The following ABCA12 variants were observed in gnomAD, a reference collection of about 807,000 sequenced individuals.
The protein encoded by ABCA12 is glucosylceramide transporter ABCA12.
ABCA12 carries 156 observed loss-of-function variants against 293.5 expected under a neutral mutation model. That is an observed-to-expected ratio of 0.53 (90% CI 0.47 to 0.61). ABCA12 has a LOEUF of 0.61. Ranked by LOEUF, ABCA12 falls within the 20% of genes least tolerant of loss-of-function variation. The pLI is 0.00. For missense variants in ABCA12, 2,797 were observed against 3,090.2 expected (o/e 0.91, Z 2.25); for synonymous variants, 1,063 against 1,108.0 (o/e 0.96, Z 0.81).
chr2:214,950,146 T>C (rs1698709537), intron 45 of ABCA12, among the ~76,000 whole-genome samples: 1 of 152,168 alleles, frequency 6.6e-6, no homozygotes, highest in East Asian at 1.9e-4. Context: ...TTGGGTATTA[T>C]AAGTAATCTA....
chr2:215,081,630 A>G (rs1419302016), intron 2 of ABCA12, among the ~76,000 whole-genome samples: 3 of 152,196 alleles, frequency 2.0e-5, no homozygotes, highest in Admixed American at 6.5e-5. Flanking sequence ...TCCTTGGATT[A>G]CTTTTAAACA....
At chr2:215,005,175 T>A (rs1228961054) in intron 19 of ABCA12, among the ~76,000 whole-genome samples, 2 of 152,152 alleles carry the variant, frequency 1.3e-5, no homozygotes, top group Non-Finnish European at 2.9e-5. Flanking sequence ...AAGTAATAGA[T>A]GACAAAGCTA....
rs143557861 is a variant in ABCA12 at position 215,071,408 on chromosome 2, ATAAT to A, written c.164-7193_164-7190del. 5.2e-3 allele frequency among the ~76,000 whole-genome samples: 797 copies of A among 152,216 alleles called. 8 individuals carry two copies. The highest frequency in any genetic ancestry group is 0.018 in the African/African-American group (755 of 41,536). ...AGCAATTTGGTCAAAGTCCAAATAA[ATAAT>A]TAATAATAAACAAACATAAACAATA... On this transcript the variant is annotated intron_variant, in intron 2 of 52. Coordinates refer to ENST00000272895, the MANE Select transcript of ABCA12 (RefSeq NM_173076.3).
At position 215,049,724 on chromosome 2, in the gene ABCA12, A is replaced by G; in HGVS notation, c.595T>C (p.Trp199Arg). Residue 199 changes from tryptophan (W) to arginine (R), a missense_variant, in exon 6 of 53, where the codon TGG becomes CGG. Physicochemically the swap from Trp to Arg is moderately radical, Grantham distance 101. This residue lies in a region of ABCA12 where 656 missense variants were observed against 638.2 expected (regional missense o/e 1.03). Transcript: ENST00000272895. ...SGYIVDDAFS[W>R]TFLGRNVFNK... ...AAAACATTTCTTCCTAGAAAGGTCC[A>G]AGAGAAGGCATCATCCACAATGTAT... 1.2e-6 allele frequency: 2 copies of G among 1,613,700 alleles called. No individual in the cohort carries two copies. Among genetic ancestry groups the G allele is most frequent in the Non-Finnish European group, 8.5e-7 (1 of 1,179,758 alleles).
Position 214,984,615 on chromosome 2 carries a change from G to A in ABCA12, c.4164-750C>T, listed in dbSNP as rs191090743. Among the ~76,000 whole-genome samples the A allele has an allele frequency of 1.6e-4, 24 of 152,098 alleles. 1 individual carries two copies. In the East Asian group the frequency reaches 4.6e-3, roughly 29 times the overall value. ...CCTTCAACTCAGTATGTTTAAAACC[G>A]AGCTCATGATCTTTACCCTAAAAGC... is the stretch of plus-strand genomic sequence containing the variant. On this transcript the variant is annotated intron_variant, in intron 28 of 52. Transcript: ENST00000272895.
In ABCA12 at chr2:215,010,341, A is replaced by G. The variant is rs766952649; in HGVS notation, c.2462T>C (p.Ile821Thr). 1.7e-5 allele frequency: 27 copies of G among 1,613,746 alleles called. No individual in the cohort carries two copies. The highest frequency in any genetic ancestry group is 2.3e-5 in the Non-Finnish European group (27 of 1,179,704). ...YAPYNPVTKA[I>T]MEKSNVTLRQ... ...TTATAATGGTCAAACCTTTTCCATT[A>G]TTGCCTTTGTGACTGGGTTATATGG... Residue 821 changes from isoleucine (I) to threonine (T), a missense_variant, in exon 18 of 53, where the codon ATA (isoleucine) becomes ACA (threonine). Transcript: ENST00000272895.
intron 11 of ABCA12, chr2:215,023,292 G>C (rs1303038605): frequency 6.6e-6 from 1 of 152,208 alleles, no homozygotes; most frequent in African/African-American, 2.4e-5. Context: ...TAAAGGAACA[G>C]ACCTGGCAAT....
At chr2:215,127,674 T>A (rs1702957026) in intron 1 of ABCA12, among the ~76,000 whole-genome samples, 1 of 152,182 alleles carries the variant, frequency 6.6e-6, no homozygotes, top group Non-Finnish European at 1.5e-5. Flanking sequence ...TACTTTAAGT[T>A]TGTGTGACTC....
chr2:214,940,236 C>T (rs1354046804), intron 50 of ABCA12, among the ~76,000 whole-genome samples: 4 of 152,046 alleles, frequency 2.6e-5, no homozygotes, highest in Admixed American at 6.6e-5. Flanking sequence ...TGGTTTTTGT[C>T]ATTGGTTCTG....
At chr2:215,083,208 A>C (rs1701976514) in intron 2 of ABCA12, among the ~76,000 whole-genome samples, 1 of 152,260 alleles carries the variant, frequency 6.6e-6, no homozygotes, top group South Asian at 2.1e-4. Flanking sequence ...AAGATACTGG[A>C]TACCTGACAT....
intron 11 of ABCA12, among the ~76,000 whole-genome samples, chr2:215,020,266 CT>C (rs1357917214): frequency 6.9e-6 from 1 of 145,432 alleles, no homozygotes; most frequent in Non-Finnish European, 1.5e-5. Flanking sequence ...AATTATAACC[CT>C]TGTGCACTGT....
Position 214,932,001 on chromosome 2 carries a change from G to GTAAA in ABCA12, c.*629_*632dup. The GTAAA allele has an allele frequency of 6.5e-6, 1 of 152,992 alleles. No homozygotes were observed. Among genetic ancestry groups the GTAAA allele is most frequent in the East Asian group, 1.9e-4 (1 of 5,178 alleles). The allele number at this position is 152,992 out of a possible 1,614,324, so 9.5% of individuals were successfully genotyped here. ...AATCTAGGTTCCGTGTACCACCAGGGTAAATTGCCCTCTCTATTGCAGTCC... is the reference window on the plus strand; with the variant it reads ...AATCTAGGTTCCGTGTACCACCAGGGTAAATAAATTGCCCTCTCTATTGCAGTCC... On this transcript the variant is annotated 3_prime_UTR_variant, in exon 53 of 53. Transcript: ENST00000272895.
chr2:214,961,825 A>G (rs1415698032), intron 39 of ABCA12: 4 of 152,146 alleles, frequency 2.6e-5, no homozygotes, highest in Non-Finnish European at 4.4e-5. Context: ...TGCCAAAGCA[A>G]TTGGGGAAAA....
intron 8 of ABCA12, among the ~76,000 whole-genome samples, chr2:215,033,472 A>G (rs962702772): frequency 5.3e-5 from 8 of 152,170 alleles, no homozygotes; most frequent in Non-Finnish European, 5.9e-5. Flanking sequence ...TATATTATCA[A>G]TGACAGACTT....
chr2:215,118,121 A>G (rs1702722229), intron 1 of ABCA12, among the ~76,000 whole-genome samples: 1 of 151,996 alleles, frequency 6.6e-6, no homozygotes, highest in African/African-American at 2.4e-5. Flanking sequence ...ATGATACCCA[A>G]CAGGGCATGG....
chr2:214,966,961 A>G lies in ABCA12; in HGVS notation c.5779-8T>C. On this transcript the variant is annotated splice_polypyrimidine_tract_variant and splice_region_variant and intron_variant, in intron 38 of 52. Transcript: ENST00000272895. The stretch of plus-strand genomic sequence containing the variant: ...TTCTGGATCATACCATACCTATTAA[A>G]TTCCAAAAGAAGGCAAGATCAATAT... 6.2e-7 allele frequency: 1 copy of G among 1,609,102 alleles called. No homozygotes were observed. Among genetic ancestry groups the G allele is most frequent in the Non-Finnish European group, 8.5e-7 (1 of 1,175,550 alleles).
chr2:214,977,981 G>A (rs1314423092), intron 33 of ABCA12, among the ~76,000 whole-genome samples: 13 of 148,994 alleles, frequency 8.7e-5, no homozygotes. Flanking sequence ...TCCATTGTTA[G>A]CCCCGATTAC....
Position 214,937,632 on chromosome 2 carries a change from C to T in ABCA12, c.7437-17G>A. On this transcript the variant is annotated splice_polypyrimidine_tract_variant and intron_variant, in intron 50 of 52. Transcript: ENST00000272895. Reference sequence around the variant, plus strand: ...CGTCCAAACCTAGAAAGAAAAAGTGCAAAATATGATATGAATTACATTTTG... The same window carrying T: ...CGTCCAAACCTAGAAAGAAAAAGTGTAAAATATGATATGAATTACATTTTG... The T allele has an allele frequency of 1.3e-6, 2 of 1,590,648 alleles. No homozygotes were observed. The highest frequency in any genetic ancestry group is 2.2e-5 in the East Asian group (1 of 44,660).
At chr2:214,967,198 T>C (rs1699281672) in intron 38 of ABCA12, among the ~76,000 whole-genome samples, 1 of 152,158 alleles carries the variant, frequency 6.6e-6, no homozygotes, top group South Asian at 2.1e-4. Context: ...TTATTAGTTA[T>C]TCAGGATCTC....
Sources: allele counts gnomAD v4.1 joint callset (sites outside exome capture counted in the v4.1 genomes callset), GRCh38; gene constraint gnomAD v4.1.1; regional missense constraint gnomAD v4.1.1; transcripts MANE v1.5; gene names NCBI Gene and HGNC (gene_info 2026-07-23, HGNC 2026-07-21).